NAA50: variants seen among roughly 807,000 people sequenced by gnomAD.
NAA50 encodes the protein N-alpha-acetyltransferase 50, NatE catalytic subunit, also known as N-alpha-acetyltransferase 50.
Under a neutral mutation model 20.7 loss-of-function variants are expected in NAA50, and 7 were observed. The ratio of observed to expected loss-of-function variants is 0.34; its 90% confidence interval spans 0.19 to 0.63. The LOEUF is 0.63. Ranked by LOEUF, NAA50 falls within the 30% of genes least tolerant of loss-of-function variation. The probability of loss-of-function intolerance (pLI) is 0.75; values close to 1 mark genes in which losing one functional copy is unlikely to be tolerated. For synonymous variants in NAA50, 54 were observed against 70.6 expected (o/e 0.77, Z 1.18); for missense variants, 111 against 199.1 (o/e 0.56, Z 2.66).
At chr3:113,731,316 CA>C (rs1708269908) in intron 1 of NAA50, among the ~76,000 whole-genome samples, 1 of 152,070 alleles carries the variant, frequency 6.6e-6, no homozygotes, top group African/African-American at 2.4e-5. Flanking sequence ...TACATTTTGA[CA>C]AATTTATTTC....
intron 1 of NAA50, among the ~76,000 whole-genome samples, chr3:113,730,900 T>C (rs1003355435): frequency 2.0e-5 from 3 of 152,238 alleles, no homozygotes; most frequent in African/African-American, 7.2e-5. Context: ...ATATAAGTTT[T>C]GGTATGAACA....
In NAA50 at chr3:113,746,204, CCCG is replaced by C; in HGVS notation, c.-258_-256del. Reference sequence around the variant, plus strand: ...GTGCACTCGGGTCTCTCGGCTCCCTCCCGCCGCTGCCGCCAGCCAGACCCGCTG... The same window carrying C: ...GTGCACTCGGGTCTCTCGGCTCCCTCCCGCTGCCGCCAGCCAGACCCGCTG... On this transcript the variant is annotated 5_prime_UTR_variant, in exon 1 of 5. Coordinates refer to ENST00000240922, the MANE Select transcript of NAA50 (RefSeq NM_025146.4). 1 of 504,426 alleles carries C rather than the reference CCCG, an allele frequency of 2.0e-6. No individual in the cohort carries two copies. Among genetic ancestry groups the C allele is most frequent in the Non-Finnish European group, 3.5e-6 (1 of 287,562 alleles). The allele number at this position is 504,426 out of a possible 1,614,324, so 31.2% of individuals were successfully genotyped here.
At chr3:113,731,075 TC>T (rs1181806199) in intron 1 of NAA50, among the ~76,000 whole-genome samples, 1 of 152,166 alleles carries the variant, frequency 6.6e-6, no homozygotes, top group African/African-American at 2.4e-5. Flanking sequence ...TTAATTTGCA[TC>T]CCCCTAAATA....
chr3:113,733,340 T>A (rs552148327), intron 1 of NAA50, among the ~76,000 whole-genome samples: 1 of 64,260 alleles, frequency 1.6e-5, no homozygotes, highest in African/African-American at 5.7e-5. Context: ...AACTACTCAA[T>A]TTTTTTTTTT....
At position 113,718,632 on chromosome 3, in the gene NAA50, C is replaced by A. The variant is rs1268365330; in HGVS notation, c.*3128G>T. 4 of 152,256 alleles carry A rather than the reference C, an allele frequency of 2.6e-5. No individual in the cohort carries two copies. In the East Asian group the frequency reaches 7.7e-4, roughly 29 times the overall value. The allele number at this position is 152,256 out of a possible 1,614,324, so 9.4% of individuals were successfully genotyped here. On this transcript the variant is annotated 3_prime_UTR_variant, in exon 5 of 5. Coordinates refer to ENST00000240922, the MANE Select transcript of NAA50 (RefSeq NM_025146.4). ...ACTCCTTCCTTACAAGGAAGAAAAA[C>A]AAAACACCTGAATATGTTGTCTGTA...
In NAA50 at chr3:113,746,191, C is replaced by T. The variant is rs955917849; in HGVS notation, c.-242G>A. 2.3e-5 allele frequency: 12 copies of T among 517,338 alleles called. No homozygotes were observed. The highest frequency in any genetic ancestry group is 1.7e-4 in the South Asian group (7 of 40,624). The allele number at this position is 517,338 out of a possible 1,614,324, so 32.0% of individuals were successfully genotyped here. ...CGCTTCTCCACACGTGCACTCGGGT[C>T]TCTCGGCTCCCTCCCGCCGCTGCCG... On this transcript the variant is annotated 5_prime_UTR_variant, in exon 1 of 5. Coordinates refer to ENST00000240922, the MANE Select transcript of NAA50 (RefSeq NM_025146.4).
At chr3:113,740,009 C>T (rs1431166184) in intron 1 of NAA50, among the ~76,000 whole-genome samples, 2 of 152,054 alleles carry the variant, frequency 1.3e-5, no homozygotes, top group Non-Finnish European at 2.9e-5. Flanking sequence ...CTTATTTTAC[C>T]TTAAAAACTT....
chr3:113,723,690 T>TC, intron 2 of NAA50, 149 bp from the exon 3 acceptor site: 1 of 1,037,356 alleles, frequency 9.6e-7, no homozygotes, highest in Non-Finnish European at 1.3e-6. Context: ...TCTTATGCCA[T>TC]CTTAGGAAGT....
Position 113,746,132 on chromosome 3 carries a change from G to A in NAA50, c.-183C>T. ...GAGTGAGGGCTTGAGTCTGGTGGGG[G>A]CGGGAGTGTCTCCCGCCGCCGCGCT... is the stretch of plus-strand genomic sequence containing the variant. On this transcript the variant is annotated 5_prime_UTR_variant, in exon 1 of 5. Coordinates refer to ENST00000240922, the MANE Select transcript of NAA50 (RefSeq NM_025146.4). The A allele has an allele frequency of 1.5e-6, 1 of 679,558 alleles. No individual in the cohort carries two copies. The highest frequency in any genetic ancestry group is 2.3e-6 in the Non-Finnish European group (1 of 427,044). 42.1% of individuals were successfully genotyped at this position (679,558 alleles called of 1,614,324 possible).
chr3:113,727,762 C>T (rs936589306), intron 1 of NAA50, among the ~76,000 whole-genome samples: 5 of 151,772 alleles, frequency 3.3e-5, no homozygotes, highest in South Asian at 4.1e-4. Context: ...TGTATATACA[C>T]GCTTTAAACA....
At chr3:113,734,838 T>C (rs1255354555) in intron 1 of NAA50, among the ~76,000 whole-genome samples, 1 of 152,196 alleles carries the variant, frequency 6.6e-6, no homozygotes, top group Admixed American at 6.5e-5. Flanking sequence ...TCTGATAGTT[T>C]TTTTTTCCAT....
intron 1 of NAA50, 81 bp downstream of exon 1, chr3:113,745,861 G>A: frequency 1.3e-6 from 2 of 1,485,102 alleles, no homozygotes; most frequent in Non-Finnish European, 1.8e-6. Context: ...ATCTCTCCTC[G>A]CCTTTGCGGC....
At chr3:113,741,847 A>G (rs1708421033) in intron 1 of NAA50, among the ~76,000 whole-genome samples, 1 of 152,236 alleles carries the variant, frequency 6.6e-6, no homozygotes, top group South Asian at 2.1e-4. Flanking sequence ...ACACAACTGT[A>G]TAGGCAGCAG....
chr3:113,719,851 T>C lies in NAA50; in HGVS notation c.*1909A>G, dbSNP rs1708111110. On this transcript the variant is annotated 3_prime_UTR_variant, in exon 5 of 5. Coordinates refer to ENST00000240922, the MANE Select transcript of NAA50 (RefSeq NM_025146.4). ...GTCATCTCAGAAAACCATTTATATA[T>C]CAAAGTCTATTTTGATATCTGGGAA... 6.6e-6 allele frequency: 1 copy of C among 152,602 alleles called. No homozygotes were observed. The highest frequency in any genetic ancestry group is 2.1e-4 in the South Asian group (1 of 4,828). The allele number at this position is 152,602 out of a possible 1,614,324, so 9.5% of individuals were successfully genotyped here.
In NAA50 at chr3:113,721,475, T is replaced by A; in HGVS notation, c.*285A>T. On this transcript the variant is annotated 3_prime_UTR_variant, in exon 5 of 5. Transcript: ENST00000240922. ...CATTAAATTTGAAATTATTTGACAA[T>A]TAAATGTTTAGGACCATCTAACTTC... 1 of 378,618 alleles carries A rather than the reference T, an allele frequency of 2.6e-6. No homozygotes were observed. Among genetic ancestry groups the A allele is most frequent in the Non-Finnish European group, 4.7e-6 (1 of 210,616 alleles). The allele number at this position is 378,618 out of a possible 1,614,324, so 23.5% of individuals were successfully genotyped here.
chr3:113,731,793 A>G (rs931669956), intron 1 of NAA50, among the ~76,000 whole-genome samples: 14 of 152,210 alleles, frequency 9.2e-5, no homozygotes, highest in African/African-American at 2.9e-4. Context: ...ACACGTCAGC[A>G]GTCTGATCTT....
intron 1 of NAA50, among the ~76,000 whole-genome samples, chr3:113,735,607 T>C (rs151134635): frequency 1.0e-3 from 157 of 152,346 alleles, no homozygotes; most frequent in African/African-American, 3.6e-3. Flanking sequence ...TTAAGACCTT[T>C]ACTCTGTATA....
intron 1 of NAA50, among the ~76,000 whole-genome samples, chr3:113,732,080 T>C (rs897754309): frequency 2.0e-5 from 3 of 152,142 alleles, no homozygotes; most frequent in Non-Finnish European, 4.4e-5. Context: ...CCAAAGGATG[T>C]ACATGTCATA....
intron 1 of NAA50, among the ~76,000 whole-genome samples, chr3:113,740,363 G>C (rs1308903502): frequency 6.6e-6 from 1 of 152,062 alleles, no homozygotes; most frequent in Non-Finnish European, 1.5e-5. Context: ...ACCAATAACT[G>C]TGAGTTTTTT....
Sources: gnomAD v4.1 joint callset for allele counts (sites outside exome capture counted in the v4.1 genomes callset) on GRCh38, gnomAD v4.1.1 for gene constraint, MANE v1.5 for transcripts, NCBI Gene and HGNC (gene_info 2026-07-23, HGNC 2026-07-21) for gene names.